SMG6: variants seen among roughly 807,000 people sequenced by gnomAD.
SMG6 encodes the protein SMG6 nonsense mediated mRNA decay factor, also known as telomerase-binding protein EST1A.
SMG6 carries 66 observed loss-of-function variants against 142.2 expected under a neutral mutation model. That is an observed-to-expected ratio of 0.46 (90% CI 0.38 to 0.57). SMG6 has a LOEUF of 0.57. SMG6 is among the 20% of genes least tolerant of loss of function. The pLI is 0.00. For synonymous variants in SMG6, 779 were observed against 702.4 expected (o/e 1.11, Z -1.72); for missense variants, 1,793 against 1,832.0 (o/e 0.98, Z 0.39).
At chr17:2,154,509 C>T (rs1235323216) in intron 13 of SMG6, among the ~76,000 whole-genome samples, 1 of 152,116 alleles carries the variant, frequency 6.6e-6, no homozygotes, top group Non-Finnish European at 1.5e-5. Context: ...ACAATACAAC[C>T]TTCTTTAGAG....
chr17:2,245,573 C>T (rs1220651217), intron 8 of SMG6, among the ~76,000 whole-genome samples: 1 of 152,098 alleles, frequency 6.6e-6, no homozygotes, highest in South Asian at 2.1e-4. Flanking sequence ...TTAGAAGAGA[C>T]GGGGTTTTGC....
At chr17:2,091,921 A>T (rs1320575382) in intron 13 of SMG6, among the ~76,000 whole-genome samples, 1 of 149,806 alleles carries the variant, frequency 6.7e-6, no homozygotes, top group Non-Finnish European at 1.5e-5. Context: ...TGACCTCGTG[A>T]TCCGCCCGCC....
chr17:2,081,777 T>G, intron 15 of SMG6, 33 bp downstream of exon 15: 1 of 1,609,826 alleles, frequency 6.2e-7, no homozygotes, highest in Non-Finnish European at 8.5e-7. Context: ...GCAACCCCCA[T>G]AGTGGGAACC....
At chr17:2,166,480 C>G (rs1221103238) in intron 13 of SMG6, among the ~76,000 whole-genome samples, 1 of 152,084 alleles carries the variant, frequency 6.6e-6, no homozygotes, top group Non-Finnish European at 1.5e-5. Flanking sequence ...TTTTTAAAGA[C>G]AAGGTCTTGC....
In SMG6 at chr17:2,068,931, C is replaced by T; in HGVS notation, c.3682G>A (p.Ala1228Thr). The change falls in exon 16 of 19, where the codon GCT becomes ACT. Residue 1228 changes from alanine to threonine, a missense_variant and splice_region_variant. By Grantham distance (58) the Ala-to-Thr change is moderately conservative. This residue lies in a region of SMG6 where 1,597 missense variants were observed against 1,584.6 expected (regional missense o/e 1.01). Coordinates refer to ENST00000263073, the MANE Select transcript of SMG6 (RefSeq NM_017575.5). This position sits in a 1 kb window ranked among gnomAD's most constrained non-coding sequence, Gnocchi z 6.7. ...EQQRRQEKIQ[A>T]VLEDHSQMRQ... is the part of the protein sequence containing the mutation. The stretch of plus-strand genomic sequence containing the variant: ...ATCTGACTGTGGTCCTCCAGGACAG[C>T]CTATGGGGACAGAGTGGTGAATGAG... The T allele has an allele frequency of 1.2e-6, 2 of 1,613,880 alleles. No homozygotes were observed. Among genetic ancestry groups the T allele is most frequent in the Non-Finnish European group, 1.7e-6 (2 of 1,179,842 alleles).
At chr17:2,170,017 A>AC (rs2071454809) in intron 13 of SMG6, among the ~76,000 whole-genome samples, 1 of 152,070 alleles carries the variant, frequency 6.6e-6, no homozygotes, top group East Asian at 1.9e-4. Flanking sequence ...GCCAAGAATA[A>AC]CCCCAAGCAT....
intron 10 of SMG6, among the ~76,000 whole-genome samples, chr17:2,217,448 C>A (rs770387802): frequency 6.6e-6 from 1 of 152,062 alleles, no homozygotes; most frequent in Non-Finnish European, 1.5e-5. Context: ...TGAAGCCACA[C>A]GGTCTTCAGG....
At chr17:2,192,808 C>T (rs915545934) in intron 10 of SMG6, among the ~76,000 whole-genome samples, 7 of 152,142 alleles carry the variant, frequency 4.6e-5, no homozygotes, top group African/African-American at 1.4e-4. Context: ...CAGAGTTCCC[C>T]GTGGCAGCTG....
At position 2,071,008 on chromosome 17, in the gene SMG6, G is replaced by A. The variant is rs1007931634; in HGVS notation, c.3682-2077C>T. On this transcript the variant is annotated intron_variant, in intron 15 of 18. Transcript: ENST00000263073. This position sits in a 1 kb window ranked among gnomAD's most constrained non-coding sequence, Gnocchi z 5.6. Reference sequence around the variant, plus strand: ...TCTCAGGCCATGCGCTCTCCGTCTAGCTCTTCTGTTGCCAGGCATGCTCTC... The same window carrying A: ...TCTCAGGCCATGCGCTCTCCGTCTAACTCTTCTGTTGCCAGGCATGCTCTC... Among the ~76,000 whole-genome samples the A allele has an allele frequency of 2.6e-5, 4 of 152,220 alleles. No individual in the cohort carries two copies. The highest frequency in any genetic ancestry group is 9.6e-5 in the African/African-American group (4 of 41,454).
intron 8 of SMG6, among the ~76,000 whole-genome samples, chr17:2,247,076 C>T (rs566674027): frequency 2.0e-5 from 3 of 152,328 alleles, no homozygotes; most frequent in East Asian, 3.9e-4. Flanking sequence ...CTCTAGATTT[C>T]CTAGTAGAGG....
intron 10 of SMG6, among the ~76,000 whole-genome samples, chr17:2,195,027 G>A (rs1362473184): frequency 6.6e-6 from 1 of 152,176 alleles, no homozygotes; most frequent in Non-Finnish European, 1.5e-5. Flanking sequence ...AAATACTTGA[G>A]GAAGACCTAG....
At chr17:2,287,668 A>G (rs992537921) in intron 6 of SMG6, among the ~76,000 whole-genome samples, 1 of 152,210 alleles carries the variant, frequency 6.6e-6, no homozygotes, top group African/African-American at 2.4e-5. Context: ...CAATGGGTGA[A>G]CGTACATATA....
At chr17:2,236,701 TCACACACACACACACACA>T (rs71150853) in intron 9 of SMG6, 64 bp from the exon 10 acceptor site, 11,368 of 956,456 alleles carry the variant, frequency 0.012, 44 homozygotes, top group Admixed American at 0.02. Context: ...TCACTCTGTC[TCACACACACACACACACA>T]CACACACACA....
At chr17:2,155,827 C>G (rs2070982023) in intron 13 of SMG6, among the ~76,000 whole-genome samples, 1 of 152,196 alleles carries the variant, frequency 6.6e-6, no homozygotes, top group Admixed American at 6.5e-5. Context: ...ATGTCTACCT[C>G]TATAAGCAAA....
chr17:2,085,829 G>C lies in SMG6; in HGVS notation c.3430C>G (p.Pro1144Ala). Residue 1144 changes from proline (P) to alanine (A), a missense_variant, in exon 14 of 19, where the codon CCT becomes GCT. By Grantham distance (27) the Pro-to-Ala change is conservative (BLOSUM62 -1). Around this residue, in one of 3 missense-constraint regions of SMG6, gnomAD observed 1,597 missense variants for 1,584.6 expected, o/e 1.01. Transcript: ENST00000263073. This position sits in a 1 kb window ranked among gnomAD's most constrained non-coding sequence, Gnocchi z 4.1. ...FLEALCGQEE[P>A]LLAFKGGKYV... ...TTTCCACCCTTGAATGCCAGCAGAG[G>C]CTCTTCTTGTCCACAAAGGGCTTCC... 1 of 1,614,184 alleles carries C rather than the reference G, an allele frequency of 6.2e-7. No homozygotes were observed. The highest frequency in any genetic ancestry group is 8.5e-7 in the Non-Finnish European group (1 of 1,179,998).
At chr17:2,140,850 A>T (rs1452936142) in intron 13 of SMG6, among the ~76,000 whole-genome samples, 82 of 152,120 alleles carry the variant, frequency 5.4e-4, no homozygotes, top group Non-Finnish European at 4.4e-5. Context: ...GCCTTGACAA[A>T]CTGGAATTGC....
intron 6 of SMG6, among the ~76,000 whole-genome samples, chr17:2,285,445 G>A (rs763208240): frequency 5.7e-4 from 86 of 152,196 alleles, no homozygotes; most frequent in Non-Finnish European, 8.2e-4. Context: ...AAAAGCCATT[G>A]AGGGAATTCA....
intron 10 of SMG6, among the ~76,000 whole-genome samples, chr17:2,222,677 T>C (rs1457207283): frequency 6.6e-6 from 1 of 151,558 alleles, no homozygotes; most frequent in Non-Finnish European, 1.5e-5. Context: ...GTATGTAATG[T>C]GTCTGTGTGT....
At chr17:2,206,456 G>A (rs1453706935) in intron 10 of SMG6, among the ~76,000 whole-genome samples, 2 of 151,932 alleles carry the variant, frequency 1.3e-5, no homozygotes, top group Non-Finnish European at 2.9e-5. Flanking sequence ...GCATGCTCCT[G>A]TAGTTCCAGC....
Sources: gnomAD v4.1 joint callset for allele counts (sites outside exome capture counted in the v4.1 genomes callset) on GRCh38, gnomAD v4.1.1 for gene constraint, gnomAD v4.1.1 regional missense constraint, Gnocchi (gnomAD v3.1) non-coding constraint, MANE v1.5 for transcripts, NCBI Gene and HGNC (gene_info 2026-07-23, HGNC 2026-07-21) for gene names.